The following UBE2G1 variants were observed in gnomAD, a reference collection of about 807,000 sequenced individuals.
The protein encoded by UBE2G1 is ubiquitin-conjugating enzyme E2 G1.
A neutral mutation model predicts 22.7 loss-of-function variants in UBE2G1; 5 were observed. The observed-to-expected ratio is 0.22, with a 90% confidence interval of 0.12 to 0.46. UBE2G1 has a LOEUF of 0.46. Ranked by LOEUF, UBE2G1 falls within the 20% of genes least tolerant of loss-of-function variation. The probability of loss-of-function intolerance (pLI) is 0.99; values close to 1 mark genes in which losing one functional copy is unlikely to be tolerated. For synonymous variants in UBE2G1, 74 were observed against 67.5 expected (o/e 1.10, Z -0.47); for missense variants, 88 against 203.9 (o/e 0.43, Z 3.46).
intron 1 of UBE2G1, among the ~76,000 whole-genome samples, chr17:4,356,593 C>T (rs1056182581): frequency 6.6e-6 from 1 of 152,092 alleles, no homozygotes; most frequent in African/African-American, 2.4e-5. Flanking sequence ...GGTAGCTGTG[C>T]GTGGTGGCTC....
intron 5 of UBE2G1, among the ~76,000 whole-genome samples, chr17:4,278,628 T>C (rs1283585738): frequency 1.3e-5 from 2 of 152,208 alleles, no homozygotes; most frequent in Non-Finnish European, 2.9e-5. Context: ...GATTTTGGTG[T>C]GATGTATATT....
intron 1 of UBE2G1, among the ~76,000 whole-genome samples, chr17:4,334,602 A>G (rs1969622848): frequency 6.6e-6 from 1 of 152,146 alleles, no homozygotes; most frequent in Non-Finnish European, 1.5e-5. Flanking sequence ...GCAGTGGCAC[A>G]ATCTCAGCTC....
intron 1 of UBE2G1, among the ~76,000 whole-genome samples, chr17:4,321,531 G>T (rs1317248782): frequency 6.6e-6 from 1 of 151,706 alleles, no homozygotes; most frequent in Non-Finnish European, 1.5e-5. Flanking sequence ...TTCACTCTGT[G>T]GCCCAGGCTG....
intron 2 of UBE2G1, among the ~76,000 whole-genome samples, chr17:4,304,562 A>G (rs1969226460): frequency 1.1e-5 from 1 of 94,070 alleles, no homozygotes; most frequent in African/African-American, 2.7e-5. Context: ...GTAATCCTTG[A>G]ACGGTACCGG....
chr17:4,338,017 A>C lies in UBE2G1; in HGVS notation c.46+28254T>G, dbSNP rs1205345867. ...AAACCCATCTCTACTAAAAATACAA[A>C]AAATTAGCCAGGCATGCTGGCACGT... On this transcript the variant is annotated intron_variant, in intron 1 of 5. Transcript: ENST00000396981. Among the ~76,000 whole-genome samples, 7 of 152,018 alleles carry C rather than the reference A, an allele frequency of 4.6e-5. 1 individual carries two copies. In the East Asian group the frequency reaches 1.4e-3, roughly 29 times the overall value.
intron 2 of UBE2G1, chr17:4,302,678 A>G: frequency 3.6e-6 from 1 of 280,706 alleles, no homozygotes; most frequent in Admixed American, 3.5e-5. Context: ...AAGGGAAGAA[A>G]TAAAATTTTC....
intron 1 of UBE2G1, among the ~76,000 whole-genome samples, chr17:4,361,177 C>A (rs149675799): frequency 6.6e-6 from 1 of 151,954 alleles, no homozygotes; most frequent in East Asian, 1.9e-4. Context: ...GAACCAAGAT[C>A]GCACCACTGC....
In UBE2G1 at chr17:4,270,387, G is replaced by C. The variant is rs1968741248; in HGVS notation, c.*2167C>G. On this transcript the variant is annotated 3_prime_UTR_variant, in exon 6 of 6. Coordinates refer to ENST00000396981, the MANE Select transcript of UBE2G1 (RefSeq NM_003342.5). The stretch of plus-strand genomic sequence containing the variant: ...AAGGGAGGGATCCCATCTCTTAAAA[G>C]AATTTTTTTGTATTAGCCAGGCATG... 1 of 152,092 alleles carries C rather than the reference G, an allele frequency of 6.6e-6. No homozygotes were observed. The highest frequency in any genetic ancestry group is 1.5e-5 in the Non-Finnish European group (1 of 68,012). The allele number at this position is 152,092 out of a possible 1,614,324, so 9.4% of individuals were successfully genotyped here. A position where few individuals can be genotyped will look rare whatever the true frequency, so the allele number is the denominator to read the frequency against.
chr17:4,324,429 T>C (rs1453606126), intron 1 of UBE2G1, among the ~76,000 whole-genome samples: 1 of 152,242 alleles, frequency 6.6e-6, no homozygotes, highest in East Asian at 1.9e-4. Flanking sequence ...AAATGAATTA[T>C]TAAAATGAAT....
intron 3 of UBE2G1, among the ~76,000 whole-genome samples, chr17:4,296,151 T>C (rs992239684): frequency 2.6e-5 from 4 of 152,102 alleles, no homozygotes; most frequent in African/African-American, 7.2e-5. Context: ...TTATAGGAGT[T>C]CTATTGATGT....
intron 3 of UBE2G1, among the ~76,000 whole-genome samples, chr17:4,293,571 T>C (rs968833258): frequency 6.6e-6 from 1 of 152,210 alleles, no homozygotes; most frequent in Non-Finnish European, 1.5e-5. Flanking sequence ...ATGGTAACTA[T>C]GCTTAACCTT....
At chr17:4,337,366 A>G (rs1312412541) in intron 1 of UBE2G1, among the ~76,000 whole-genome samples, 1 of 151,540 alleles carries the variant, frequency 6.6e-6, no homozygotes, top group Non-Finnish European at 1.5e-5. Context: ...GAAAAGGAAA[A>G]AGAAGGCTGG....
At chr17:4,282,231 C>A (rs933288199) in intron 5 of UBE2G1, among the ~76,000 whole-genome samples, 3 of 152,072 alleles carry the variant, frequency 2.0e-5, no homozygotes, top group African/African-American at 4.8e-5. Context: ...TACAGGCACA[C>A]GCCACCAGGC....
At chr17:4,335,997 T>C (rs753552884) in intron 1 of UBE2G1, among the ~76,000 whole-genome samples, 26 of 152,062 alleles carry the variant, frequency 1.7e-4, no homozygotes, top group Non-Finnish European at 3.4e-4. Context: ...AATACAAAAA[T>C]TAGCCGGGCA....
intron 1 of UBE2G1, among the ~76,000 whole-genome samples, chr17:4,321,330 G>A (rs950200107): frequency 8.6e-6 from 1 of 115,772 alleles, no homozygotes; most frequent in African/African-American, 2.6e-5. Flanking sequence ...CTACAGCCTT[G>A]CTAACACTGG....
chr17:4,333,649 G>A (rs566847073), intron 1 of UBE2G1, among the ~76,000 whole-genome samples: 6 of 151,828 alleles, frequency 4.0e-5, no homozygotes, highest in East Asian at 1.9e-4. Flanking sequence ...GTGAAACCCC[G>A]TCTCTACTAA....
intron 3 of UBE2G1, 113 bp downstream of exon 3, chr17:4,296,604 A>T: frequency 9.2e-7 from 1 of 1,088,948 alleles, no homozygotes; most frequent in Non-Finnish European, 1.4e-6. Flanking sequence ...AATGAACAGT[A>T]CAAAAATGCC....
intron 1 of UBE2G1, among the ~76,000 whole-genome samples, chr17:4,336,056 G>A (rs1303282279): frequency 6.6e-6 from 1 of 152,140 alleles, no homozygotes; most frequent in Non-Finnish European, 1.5e-5. Context: ...TGAGGCAGGA[G>A]AATCGCTTGA....
chr17:4,355,931 C>T (rs897926622), intron 1 of UBE2G1, among the ~76,000 whole-genome samples: 2 of 148,690 alleles, frequency 1.3e-5, no homozygotes, highest in African/African-American at 2.5e-5. Flanking sequence ...AACTCCCAAC[C>T]TCAGGTGATC....
Sources: gnomAD v4.1 joint callset for allele counts (sites outside exome capture counted in the v4.1 genomes callset) on GRCh38, gnomAD v4.1.1 for gene constraint, MANE v1.5 for transcripts, NCBI Gene and HGNC (gene_info 2026-07-23, HGNC 2026-07-21) for gene names.